CNTNAP2: variants seen among roughly 807,000 people sequenced by gnomAD.
CNTNAP2 encodes the protein contactin-associated protein-like 2.
CNTNAP2 carries 98 observed loss-of-function variants against 155.2 expected under a neutral mutation model. That is an observed-to-expected ratio of 0.63 (90% CI 0.54 to 0.75). The LOEUF is 0.75. Ranked by LOEUF, CNTNAP2 falls within the 30% of genes least tolerant of loss-of-function variation. The pLI is 0.00. For synonymous variants in CNTNAP2, 651 were observed against 631.2 expected (o/e 1.03, Z -0.47); for missense variants, 1,727 against 1,688.1 (o/e 1.02, Z -0.40).
At chr7:147,048,067 A>ATTT (rs11352009) in intron 4 of CNTNAP2, among the ~76,000 whole-genome samples, 47 of 90,368 alleles carry the variant, frequency 5.2e-4, no homozygotes, top group South Asian at 1.2e-3. Context: ...CGGAGAGACA[A>ATTT]TTTTTTTTTT....
intron 1 of CNTNAP2, among the ~76,000 whole-genome samples, chr7:146,129,405 G>A (rs1372063300): frequency 1.3e-5 from 2 of 152,060 alleles, no homozygotes; most frequent in Admixed American, 6.6e-5. Flanking sequence ...TGCTGTGTTT[G>A]TTTCCACATA....
chr7:147,113,443 TA>T (rs1032039390), intron 5 of CNTNAP2, among the ~76,000 whole-genome samples: 213 of 143,346 alleles, frequency 1.5e-3, no homozygotes, highest in African/African-American at 2.3e-3. Flanking sequence ...AGTGATTTAT[TA>T]AAAAAAAAAA....
chr7:148,134,018 G>A (rs1301429019), intron 16 of CNTNAP2, among the ~76,000 whole-genome samples: 1 of 152,176 alleles, frequency 6.6e-6, no homozygotes, highest in Non-Finnish European at 1.5e-5. Context: ...TAAAGCCGAA[G>A]CCCAAGGACC....
At chr7:147,895,980 G>A (rs1170430647) in intron 13 of CNTNAP2, among the ~76,000 whole-genome samples, 1 of 152,164 alleles carries the variant, frequency 6.6e-6, no homozygotes, top group Non-Finnish European at 1.5e-5. Context: ...AGCATTTTGT[G>A]CTGTATTTTA....
At chr7:147,069,087 C>T (rs181930942) in intron 4 of CNTNAP2, among the ~76,000 whole-genome samples, 26 of 152,186 alleles carry the variant, frequency 1.7e-4, no homozygotes, top group African/African-American at 6.3e-4. Context: ...AATCAGATCT[C>T]ATGGGGAAAA....
At chr7:147,172,890 C>A (rs1346254939) in intron 8 of CNTNAP2, among the ~76,000 whole-genome samples, 1 of 152,126 alleles carries the variant, frequency 6.6e-6, no homozygotes, top group Non-Finnish European at 1.5e-5. Context: ...TATATTTAAA[C>A]CCTGCTTCTT....
At chr7:147,730,869 A>G (rs1796726950) in intron 13 of CNTNAP2, among the ~76,000 whole-genome samples, 1 of 152,138 alleles carries the variant, frequency 6.6e-6, no homozygotes, top group Admixed American at 6.6e-5. Flanking sequence ...GAAAACATGA[A>G]CGATAGAAAA....
intron 2 of CNTNAP2, among the ~76,000 whole-genome samples, chr7:146,806,195 T>C (rs1585099104): frequency 6.6e-6 from 1 of 152,098 alleles, no homozygotes; most frequent in Non-Finnish European, 1.5e-5. Flanking sequence ...GTTATATATT[T>C]GCAATGAAAA....
intron 8 of CNTNAP2, among the ~76,000 whole-genome samples, chr7:147,276,584 G>A (rs546312962): frequency 8.5e-5 from 13 of 152,084 alleles, no homozygotes; most frequent in African/African-American, 3.1e-4. Context: ...ATATTGGAAT[G>A]TAATGGTTTT....
At chr7:147,760,285 C>T (rs851653) in intron 13 of CNTNAP2, among the ~76,000 whole-genome samples, 55,810 of 151,600 alleles carry the variant, frequency 0.37, 13,350 homozygotes, top group African/African-American at 0.69. Flanking sequence ...AAGAGTTTTC[C>T]CCTCGTCTTT....
rs1181079127 is a variant in CNTNAP2 at position 146,132,667 on chromosome 7, T to G, written c.97+15694T>G. Among the ~76,000 whole-genome samples, 3 of 151,148 alleles carry G rather than the reference T, an allele frequency of 2.0e-5. No homozygotes were observed. The East Asian group carries it at 5.9e-4, about 30-fold the overall frequency. ...ACCTATGAGTGAGAATATGCGGTGTTTGGTTTTTTGTTCTTGCGATAGTTT... is the reference window on the plus strand; with the variant it reads ...ACCTATGAGTGAGAATATGCGGTGTGTGGTTTTTTGTTCTTGCGATAGTTT... On this transcript the variant is annotated intron_variant, in intron 1 of 23. Transcript: ENST00000361727.
chr7:146,895,480 A>T (rs1795857429), intron 3 of CNTNAP2, among the ~76,000 whole-genome samples: 1 of 152,156 alleles, frequency 6.6e-6, no homozygotes, highest in Admixed American at 6.6e-5. Context: ...TATGTGTGTG[A>T]GTACAATAAA....
intron 3 of CNTNAP2, among the ~76,000 whole-genome samples, chr7:146,855,474 T>A (rs1424796906): frequency 6.6e-6 from 1 of 152,098 alleles, no homozygotes; most frequent in African/African-American, 2.4e-5. Context: ...AGGCTACATA[T>A]TTGAAATAGA....
intron 1 of CNTNAP2, among the ~76,000 whole-genome samples, chr7:146,334,703 G>T (rs1195404922): frequency 6.6e-6 from 1 of 151,998 alleles, no homozygotes; most frequent in Admixed American, 6.6e-5. Flanking sequence ...CACCACTTCT[G>T]CTCCTCCTCT....
At chr7:148,064,390 A>G (rs534261264) in intron 15 of CNTNAP2, among the ~76,000 whole-genome samples, 20 of 152,084 alleles carry the variant, frequency 1.3e-4, no homozygotes, top group African/African-American at 4.8e-4. Context: ...TGTTTGTGCT[A>G]TCTATGATTT....
chr7:147,108,082 A>G, intron 4 of CNTNAP2, 65 bp from the exon 5 acceptor site: 1 of 1,378,494 alleles, frequency 7.3e-7, no homozygotes, highest in Non-Finnish European at 1.0e-6. Context: ...CTTTGCAGAC[A>G]CCTGTTGGAA....
chr7:146,868,495 T>C (rs770545386), intron 3 of CNTNAP2, among the ~76,000 whole-genome samples: 11 of 152,198 alleles, frequency 7.2e-5, no homozygotes, highest in Non-Finnish European at 1.5e-4. Flanking sequence ...GCCTTGGCTA[T>C]GCGGGCTCAT....
At chr7:147,210,579 G>A (rs1449035134) in intron 8 of CNTNAP2, among the ~76,000 whole-genome samples, 1 of 151,408 alleles carries the variant, frequency 6.6e-6, no homozygotes, top group Non-Finnish European at 1.5e-5. Flanking sequence ...ATGGTTTTTG[G>A]CTTCAATTTT....
chr7:147,553,720 G>T (rs1371274869), intron 11 of CNTNAP2, among the ~76,000 whole-genome samples: 1 of 152,142 alleles, frequency 6.6e-6, no homozygotes, highest in African/African-American at 2.4e-5. Context: ...TGAGGTGGTG[G>T]TTTGCGCCTG....
Sources: allele counts gnomAD v4.1 joint callset (sites outside exome capture counted in the v4.1 genomes callset), GRCh38; gene constraint gnomAD v4.1.1; transcripts MANE v1.5; gene names NCBI Gene and HGNC (gene_info 2026-07-23, HGNC 2026-07-21).